The following SYN2 variants were observed in gnomAD, a reference collection of about 807,000 sequenced individuals.
The protein encoded by SYN2 is synapsin II.
Under a neutral mutation model 50.9 loss-of-function variants are expected in SYN2, and 19 were observed. The observed-to-expected ratio is 0.37, with a 90% confidence interval of 0.26 to 0.55. SYN2 has a LOEUF of 0.55. Among genes scored for constraint, SYN2 ranks in the 20% least tolerant of loss-of-function variants. The pLI is 0.81. For missense variants in SYN2, 587 were observed against 576.4 expected (o/e 1.02, Z -0.19); for synonymous variants, 255 against 224.9 (o/e 1.13, Z -1.20).
In SYN2 at chr3:12,145,744, TC is replaced by T; in HGVS notation, c.595del (p.Arg199AlafsTer3). On this transcript the variant is annotated frameshift_variant, in exon 4 of 13. Transcript: ENST00000621198. LOFTEE classifies it high-confidence loss of function. ...HAFGMAENED[F>X]RHLIIGMQYA... is the part of the protein sequence containing the mutation. Reference sequence around the variant, plus strand: ...TTTGGCATGGCGGAGAATGAGGACTTCCGCCACCTGATCATTGGTATGCAGT... The same window carrying T: ...TTTGGCATGGCGGAGAATGAGGACTTCGCCACCTGATCATTGGTATGCAGT... 2 of 1,614,026 alleles carry T rather than the reference TC, an allele frequency of 1.2e-6. No individual in the cohort carries two copies. The highest frequency in any genetic ancestry group is 1.7e-6 in the Non-Finnish European group (2 of 1,179,886).
At chr3:12,033,391 C>T (rs1220700676) in intron 1 of SYN2, among the ~76,000 whole-genome samples, 4 of 152,182 alleles carry the variant, frequency 2.6e-5, no homozygotes, top group Non-Finnish European at 4.4e-5. Flanking sequence ...CTTGTGCTTT[C>T]TTTACTTTGG....
In SYN2 at chr3:12,029,177, A is replaced by G. The variant is rs1337794925; in HGVS notation, c.377+24249A>G. Among the ~76,000 whole-genome samples, 9 of 119,570 alleles carry G rather than the reference A, an allele frequency of 7.5e-5. No homozygotes were observed. In the East Asian group the frequency reaches 1.2e-3, roughly 15 times the overall value. 78.4% of individuals were successfully genotyped at this position (119,570 alleles called of 152,430 possible). On this transcript the variant is annotated intron_variant, in intron 1 of 12. Transcript: ENST00000621198. Reference sequence around the variant, plus strand: ...GTTTTTCTCAGGTTTGTCAAAGATCAGATAGTTGTAGGTATGCGGCGTTAT... The same window carrying G: ...GTTTTTCTCAGGTTTGTCAAAGATCGGATAGTTGTAGGTATGCGGCGTTAT...
At chr3:12,157,064 G>C in intron 5 of SYN2, 1 of 671,338 alleles carries the variant, frequency 1.5e-6, no homozygotes, top group African/African-American at 1.8e-5. Context: ...TGTGTCCTCA[G>C]ATGTCCCTAC....
chr3:12,012,973 C>T (rs1693948530), intron 1 of SYN2, among the ~76,000 whole-genome samples: 1 of 152,310 alleles, frequency 6.6e-6, no homozygotes, highest in South Asian at 2.1e-4. Flanking sequence ...CTGACACTGG[C>T]CTTCTGCCTT....
At chr3:12,174,427 CA>C (rs1199657595) in intron 10 of SYN2, among the ~76,000 whole-genome samples, 13 of 152,136 alleles carry the variant, frequency 8.5e-5, no homozygotes, top group Non-Finnish European at 1.3e-4. Flanking sequence ...GCCCTAGCCA[CA>C]CTGGTAAGGG....
chr3:12,142,704 C>T (rs981491882), intron 3 of SYN2, among the ~76,000 whole-genome samples: 1 of 152,202 alleles, frequency 6.6e-6, no homozygotes, highest in African/African-American at 2.4e-5. Flanking sequence ...GGAGAGGGGG[C>T]GGCGGGAAAT....
rs546731363 is a variant in SYN2, at chr3:12,004,392, C to G, written c.-160C>G. On this transcript the variant is annotated 5_prime_UTR_variant, in exon 1 of 13. Transcript: ENST00000621198. The stretch of plus-strand genomic sequence containing the variant: ...GCCGCGCGGGTTGCCTGGCCCAGAC[C>G]GCCGCTGCTGTCTGCGGGGTCTGGT... 1.0e-5 allele frequency: 2 copies of G among 195,056 alleles called. No homozygotes were observed. The highest frequency in any genetic ancestry group is 1.1e-5 in the Non-Finnish European group (1 of 94,610). 12.1% of individuals were successfully genotyped at this position (195,056 alleles called of 1,614,324 possible). A position where few individuals can be genotyped will look rare whatever the true frequency, so the allele number is the denominator to read the frequency against.
At chr3:12,185,276 T>G (rs1698315265) in intron 11 of SYN2, 1 of 985,658 alleles carries the variant, frequency 1.0e-6, no homozygotes, top group South Asian at 4.7e-5. Context: ...TCGTATATTT[T>G]TGTCCAAGCG....
chr3:12,126,878 A>C (rs1696682246), intron 1 of SYN2, among the ~76,000 whole-genome samples: 1 of 152,246 alleles, frequency 6.6e-6, no homozygotes. Flanking sequence ...ATAACAATCT[A>C]CGGTACTTCT....
intron 5 of SYN2, among the ~76,000 whole-genome samples, chr3:12,157,673 A>G (rs887051530): frequency 6.6e-6 from 1 of 152,104 alleles, no homozygotes; most frequent in African/African-American, 2.4e-5. Flanking sequence ...GGAAGTTCCA[A>G]ACCCCTCAGG....
intron 1 of SYN2, among the ~76,000 whole-genome samples, chr3:12,112,882 A>G (rs112737489): frequency 3.3e-5 from 5 of 152,202 alleles, no homozygotes; most frequent in Non-Finnish European, 5.9e-5. Flanking sequence ...ATTGTGGTAC[A>G]AGTAGTAAAT....
At chr3:12,122,813 A>ACCT (rs1696589315) in intron 1 of SYN2, among the ~76,000 whole-genome samples, 1 of 152,210 alleles carries the variant, frequency 6.6e-6, no homozygotes, top group Non-Finnish European at 1.5e-5. Flanking sequence ...ATCTAAAGTT[A>ACCT]TAAAATGGTA....
intron 1 of SYN2, among the ~76,000 whole-genome samples, chr3:12,055,437 T>C (rs1171791660): frequency 6.6e-6 from 1 of 151,922 alleles, no homozygotes. Context: ...TTTTGTGAAG[T>C]TATCAAATGA....
chr3:12,043,328 G>A (rs1187787666), intron 1 of SYN2, among the ~76,000 whole-genome samples: 1 of 152,098 alleles, frequency 6.6e-6, no homozygotes, highest in Non-Finnish European at 1.5e-5. Context: ...GTGCCCAGCT[G>A]CTTTTTTTTC....
intron 10 of SYN2, among the ~76,000 whole-genome samples, chr3:12,174,574 C>T (rs1387024715): frequency 1.3e-5 from 2 of 152,158 alleles, no homozygotes; most frequent in Non-Finnish European, 2.9e-5. Flanking sequence ...CACCGCCTCC[C>T]GGGTTCAAGC....
chr3:12,174,858 C>T lies in SYN2; in HGVS notation c.1308+4952C>T, dbSNP rs187334305. On this transcript the variant is annotated intron_variant, in intron 10 of 12. Coordinates refer to ENST00000621198, the MANE Select transcript of SYN2 (RefSeq NM_133625.6). Reference sequence around the variant, plus strand: ...AAAGCTGCCACCTACTCACTGGCTACCACCTCTCCCTTCTTTAATTTTCTG... The same window carrying T: ...AAAGCTGCCACCTACTCACTGGCTATCACCTCTCCCTTCTTTAATTTTCTG... Among the ~76,000 whole-genome samples the T allele has an allele frequency of 3.2e-3, 484 of 152,334 alleles. 4 individuals are homozygous for T. The highest frequency in any genetic ancestry group is 0.011 in the African/African-American group (469 of 41,574).
At chr3:12,142,111 G>A in intron 3 of SYN2, 115 bp downstream of exon 3, 1 of 655,706 alleles carries the variant, frequency 1.5e-6, no homozygotes, top group Admixed American at 2.4e-5. Context: ...GCTATGTATG[G>A]TATACAGAAT....
At chr3:12,078,103 G>A (rs771073725) in intron 1 of SYN2, among the ~76,000 whole-genome samples, 2 of 152,104 alleles carry the variant, frequency 1.3e-5, no homozygotes, top group East Asian at 1.9e-4. Flanking sequence ...TTTGCTGGCC[G>A]TATGAATGTC....
intron 1 of SYN2, among the ~76,000 whole-genome samples, chr3:12,091,227 A>G (rs160218): frequency 0.92 from 139,476 of 152,212 alleles, 63,933 homozygotes; most frequent in East Asian, 1. Flanking sequence ...AATTGGTACT[A>G]CAAAAAGAAT....
Sources: allele counts gnomAD v4.1 joint callset (sites outside exome capture counted in the v4.1 genomes callset), GRCh38; gene constraint gnomAD v4.1.1; transcripts MANE v1.5; gene names NCBI Gene and HGNC (gene_info 2026-07-23, HGNC 2026-07-21).